Variants in TRDN observed in about 807,000 individuals in gnomAD.
TRDN encodes the protein triadin in skeletal muscle.
Under a neutral mutation model 149.7 loss-of-function variants are expected in TRDN, and 161 were observed. The observed-to-expected ratio is 1.08, with a 90% confidence interval of 0.95 to 1.23. The LOEUF is 1.23. Ranked by LOEUF, TRDN falls within the 50% of genes most tolerant of loss-of-function variation. The probability of loss-of-function intolerance (pLI) is 0.00; values close to 1 mark genes in which losing one functional copy is unlikely to be tolerated. For synonymous variants in TRDN, 294 were observed against 250.5 expected (o/e 1.17, Z -1.64); for missense variants, 896 against 823.5 (o/e 1.09, Z -1.08).
chr6:123,556,525 C>T (rs1781664123), intron 2 of TRDN, among the ~76,000 whole-genome samples: 1 of 152,174 alleles, frequency 6.6e-6, no homozygotes, highest in Non-Finnish European at 1.5e-5. Context: ...ATTCTAATTG[C>T]AATATAATTT....
In TRDN at chr6:123,274,641, C is replaced by T; in HGVS notation, c.1597G>A (p.Ala533Thr). The T allele has an allele frequency of 6.2e-7, 1 of 1,607,444 alleles. No individual in the cohort carries two copies. The highest frequency in any genetic ancestry group is 8.5e-7 in the Non-Finnish European group (1 of 1,176,456). Residue 533 changes from alanine to threonine, a missense_variant and splice_region_variant, in exon 27 of 41, where the codon GCT becomes ACT. Transcript: ENST00000334268. ...EPQIKKEAKP[A>T]ISEKVQIHKQ... Reference sequence around the variant, plus strand: ...CTATATAAAATAAAGCTCATGTTACCTGGTTTTGCTTCTTTTTTAATTTGG... The same window carrying T: ...CTATATAAAATAAAGCTCATGTTACTTGGTTTTGCTTCTTTTTTAATTTGG...
intron 1 of TRDN, among the ~76,000 whole-genome samples, chr6:123,580,846 CA>C (rs1254395997): frequency 1.3e-5 from 2 of 152,202 alleles, no homozygotes; most frequent in Non-Finnish European, 2.9e-5. Flanking sequence ...TCCATCCTCA[CA>C]GTTTGCACTT....
At chr6:123,529,019 T>G in intron 5 of TRDN, 1 of 1,341,002 alleles carries the variant, frequency 7.5e-7, no homozygotes. Flanking sequence ...ACTTGCTAGT[T>G]TAATAAACCT....
intron 1 of TRDN, among the ~76,000 whole-genome samples, chr6:123,594,235 T>C (rs1191055951): frequency 6.6e-6 from 1 of 152,148 alleles, no homozygotes; most frequent in East Asian, 1.9e-4. Context: ...TTTCAATAAA[T>C]TGAAATATTA....
At chr6:123,624,006 C>G (rs140207738) in intron 1 of TRDN, among the ~76,000 whole-genome samples, 1 of 152,016 alleles carries the variant, frequency 6.6e-6, no homozygotes, top group Non-Finnish European at 1.5e-5. Context: ...AACTGGCAGC[C>G]CAGTGTCAGA....
chr6:123,297,473 T>A (rs949155193), intron 24 of TRDN, among the ~76,000 whole-genome samples: 3 of 152,034 alleles, frequency 2.0e-5, no homozygotes, highest in Non-Finnish European at 4.4e-5. Context: ...CTTCGAAGTT[T>A]TTTTTTATGT....
intron 9 of TRDN, chr6:123,488,643 A>T (rs1778074923): frequency 6.6e-6 from 1 of 150,916 alleles, no homozygotes; most frequent in Admixed American, 6.6e-5. Context: ...CTTTCGTTGG[A>T]CTTTTCCTTG....
At chr6:123,259,420 T>C (rs1325320348) in intron 35 of TRDN, among the ~76,000 whole-genome samples, 2 of 152,106 alleles carry the variant, frequency 1.3e-5, no homozygotes, top group African/African-American at 4.8e-5. Context: ...AAATTCCTGA[T>C]CCTTTTAGAT....
intron 1 of TRDN, among the ~76,000 whole-genome samples, chr6:123,627,975 G>A (rs557927120): frequency 2.6e-5 from 4 of 152,278 alleles, no homozygotes; most frequent in African/African-American, 9.6e-5. Context: ...TTAGGCTTTG[G>A]CTGAAAGAGA....
At chr6:123,398,309 G>A (rs985689585) in intron 12 of TRDN, among the ~76,000 whole-genome samples, 7 of 152,212 alleles carry the variant, frequency 4.6e-5, no homozygotes, top group African/African-American at 1.4e-4. Context: ...CTGGCCGACC[G>A]TTCTTATTTT....
intron 2 of TRDN, among the ~76,000 whole-genome samples, chr6:123,554,890 C>A (rs1781569198): frequency 6.6e-6 from 1 of 152,228 alleles, no homozygotes; most frequent in African/African-American, 2.4e-5. Flanking sequence ...GGCTCAAGGT[C>A]TGGCATTATT....
At chr6:123,584,313 G>A (rs1420870356) in intron 1 of TRDN, among the ~76,000 whole-genome samples, 2 of 152,190 alleles carry the variant, frequency 1.3e-5, no homozygotes, top group Non-Finnish European at 2.9e-5. Context: ...GAGAAATGTA[G>A]AGAGTAAGTT....
chr6:123,248,253 A>G (rs571166381), intron 38 of TRDN, among the ~76,000 whole-genome samples: 56 of 152,282 alleles, frequency 3.7e-4, no homozygotes, highest in African/African-American at 1.2e-3. Context: ...TATAACAGAT[A>G]CCACAGAAAT....
chr6:123,466,598 T>G (rs1025698514), intron 9 of TRDN, among the ~76,000 whole-genome samples: 1 of 151,776 alleles, frequency 6.6e-6, no homozygotes, highest in South Asian at 2.1e-4. Flanking sequence ...GCCTCTACTC[T>G]AGGTTTCTAC....
At chr6:123,291,551 T>A (rs754551608) in intron 24 of TRDN, among the ~76,000 whole-genome samples, 2 of 151,680 alleles carry the variant, frequency 1.3e-5, no homozygotes, top group Non-Finnish European at 2.9e-5. Context: ...GGCGACAGAG[T>A]GAGACTCCGT....
At chr6:123,395,904 C>T (rs1018612481) in intron 12 of TRDN, among the ~76,000 whole-genome samples, 8 of 152,162 alleles carry the variant, frequency 5.3e-5, no homozygotes, top group Non-Finnish European at 1.2e-4. Context: ...TATTAGTTCA[C>T]AAACTACTAC....
intron 26 of TRDN, among the ~76,000 whole-genome samples, chr6:123,277,337 G>T (rs1582812764): frequency 6.6e-6 from 1 of 152,204 alleles, no homozygotes; most frequent in Non-Finnish European, 1.5e-5. Context: ...AACATATTTT[G>T]CACCTATGGA....
At chr6:123,380,074 C>A (rs1781655656) in intron 16 of TRDN, among the ~76,000 whole-genome samples, 1 of 152,058 alleles carries the variant, frequency 6.6e-6, no homozygotes, top group African/African-American at 2.4e-5. Context: ...AGATGATAAA[C>A]CATAGCAAAT....
intron 20 of TRDN, among the ~76,000 whole-genome samples, chr6:123,356,032 T>A (rs1234813597): frequency 1.3e-5 from 2 of 151,766 alleles, no homozygotes; most frequent in African/African-American, 4.8e-5. Context: ...TAGATTGTTT[T>A]GAATTTTTTA....
Sources: allele counts gnomAD v4.1 joint callset (sites outside exome capture counted in the v4.1 genomes callset), GRCh38; gene constraint gnomAD v4.1.1; transcripts MANE v1.5; gene names NCBI Gene and HGNC (gene_info 2026-07-23, HGNC 2026-07-21).